MAML3: variants seen among roughly 807,000 people sequenced by gnomAD.
MAML3 encodes the protein mastermind-like protein 3.
In MAML3, 27 loss-of-function variants were observed where a neutral mutation model predicts 101.9. That is an observed-to-expected ratio of 0.27 (90% CI 0.20 to 0.37). The LOEUF is 0.37. MAML3 is among the 10% of genes least tolerant of loss of function. The pLI, the probability that MAML3 is intolerant of heterozygous loss-of-function variation, is 1.00. For missense variants in MAML3, 1,316 were observed against 1,444.9 expected (o/e 0.91, Z 1.45); for synonymous variants, 501 against 555.9 (o/e 0.90, Z 1.39).
intron 1 of MAML3, among the ~76,000 whole-genome samples, chr4:139,898,872 C>T (rs1578653869): frequency 6.6e-6 from 1 of 152,176 alleles, no homozygotes; most frequent in East Asian, 1.9e-4. Context: ...GTGCGCAAAA[C>T]ATTTCCAGAA....
chr4:140,050,129 C>T (rs1727243913), intron 1 of MAML3, among the ~76,000 whole-genome samples: 1 of 152,026 alleles, frequency 6.6e-6, no homozygotes, highest in Non-Finnish European at 1.5e-5. Context: ...TTGCCAATAA[C>T]AACAAGGAAA....
At chr4:140,063,068 G>A (rs1208702238) in intron 1 of MAML3, among the ~76,000 whole-genome samples, 2 of 152,150 alleles carry the variant, frequency 1.3e-5, no homozygotes, top group Non-Finnish European at 2.9e-5. Flanking sequence ...CATGATGCAA[G>A]TATTATTAGC....
At chr4:139,935,770 G>A (rs776331057) in intron 1 of MAML3, among the ~76,000 whole-genome samples, 21 of 150,582 alleles carry the variant, frequency 1.4e-4, no homozygotes, top group South Asian at 2.1e-4. Flanking sequence ...TATAAAAATT[G>A]TATACATTTA....
At chr4:139,915,863 A>T (rs879725355) in intron 1 of MAML3, among the ~76,000 whole-genome samples, 11 of 152,166 alleles carry the variant, frequency 7.2e-5, no homozygotes, top group Non-Finnish European at 1.3e-4. Flanking sequence ...TCCGGGTCCA[A>T]GCCAGAGTAA....
intron 1 of MAML3, among the ~76,000 whole-genome samples, chr4:140,140,427 T>C (rs1008984677): frequency 6.6e-6 from 1 of 152,228 alleles, no homozygotes; most frequent in African/African-American, 2.4e-5. Flanking sequence ...TAATTTTATG[T>C]ATACAACCAA....
At chr4:140,008,162 T>G (rs1355129831) in intron 1 of MAML3, among the ~76,000 whole-genome samples, 1 of 152,142 alleles carries the variant, frequency 6.6e-6, no homozygotes. Context: ...CTGGCCTACG[T>G]GGTGAAACCC....
At chr4:139,885,920 A>G (rs62344936) in intron 2 of MAML3, among the ~76,000 whole-genome samples, 6 of 12,314 alleles carry the variant, frequency 4.9e-4, no homozygotes, top group South Asian at 3.2e-3. Context: ...GCGACAGGGC[A>G]AGACTCCGTC....
intron 1 of MAML3, among the ~76,000 whole-genome samples, chr4:139,941,353 G>GT (rs1733591983): frequency 6.6e-6 from 1 of 152,176 alleles, no homozygotes. Context: ...CCACTGATGT[G>GT]TATCAATGTA....
intron 2 of MAML3, among the ~76,000 whole-genome samples, chr4:139,835,062 G>T (rs1161210514): frequency 6.6e-6 from 1 of 152,244 alleles, no homozygotes; most frequent in Non-Finnish European, 1.5e-5. Flanking sequence ...AGGGGAACAA[G>T]ACAAGGGGGA....
Position 139,719,088 on chromosome 4 carries a change from T to C in MAML3, c.*235A>G. The C allele has an allele frequency of 2.0e-6, 1 of 503,204 alleles. No individual in the cohort carries two copies. Among genetic ancestry groups the C allele is most frequent in the Non-Finnish European group, 3.4e-6 (1 of 290,364 alleles). The allele number at this position is 503,204 out of a possible 1,614,324, so 31.2% of individuals were successfully genotyped here. A position where few individuals can be genotyped will look rare whatever the true frequency, so the allele number is the denominator to read the frequency against. ...ACCTGCTCCTCCGGGTGTCTCCCTC[T>C]CTCGCAGCCGGGATCTGCATGGCGT... is the stretch of plus-strand genomic sequence containing the variant. On this transcript the variant is annotated 3_prime_UTR_variant, in exon 5 of 5. Coordinates refer to ENST00000509479, the MANE Select transcript of MAML3 (RefSeq NM_018717.5).
At chr4:140,008,753 C>T (rs1726498939) in intron 1 of MAML3, among the ~76,000 whole-genome samples, 1 of 152,096 alleles carries the variant, frequency 6.6e-6, no homozygotes, top group Admixed American at 6.5e-5. Flanking sequence ...CTGTAAACAA[C>T]CTTTATACAC....
At chr4:140,118,247 C>T (rs1325991487) in intron 1 of MAML3, among the ~76,000 whole-genome samples, 1 of 151,640 alleles carries the variant, frequency 6.6e-6, no homozygotes, top group Non-Finnish European at 1.5e-5. Context: ...ATGCCTGGGT[C>T]CAAACCACAG....
In MAML3 at chr4:140,014,886, C is replaced by T. The variant is rs115971014; in HGVS notation, c.469-123919G>A. On this transcript the variant is annotated intron_variant, in intron 1 of 4. Coordinates refer to ENST00000509479, the MANE Select transcript of MAML3 (RefSeq NM_018717.5). ...TATGTGTATAGGAAGAATGGAAAAG[C>T]TGGCATTATTTCATAAAAGTAGACA... is the stretch of plus-strand genomic sequence containing the variant. Among the ~76,000 whole-genome samples, 946 of 152,240 alleles carry T rather than the reference C, an allele frequency of 6.2e-3. 12 individuals are homozygous for T. The highest frequency in any genetic ancestry group is 0.022 in the African/African-American group (900 of 41,526).
intron 1 of MAML3, among the ~76,000 whole-genome samples, chr4:140,109,782 G>A (rs1044557185): frequency 1.5e-4 from 23 of 152,036 alleles, no homozygotes; most frequent in African/African-American, 2.9e-4. Context: ...CTGACAGCCC[G>A]GCAGTTATAG....
intron 1 of MAML3, among the ~76,000 whole-genome samples, chr4:140,127,199 T>A (rs1276028028): frequency 6.6e-6 from 1 of 152,204 alleles, no homozygotes; most frequent in African/African-American, 2.4e-5. Context: ...TCCTGAGCTT[T>A]CTGTTTCAAC....
At chr4:140,003,607 CT>C (rs1163476382) in intron 1 of MAML3, among the ~76,000 whole-genome samples, 1 of 152,114 alleles carries the variant, frequency 6.6e-6, no homozygotes, top group Non-Finnish European at 1.5e-5. Context: ...AGACAATTTT[CT>C]TTTTCTGTGC....
At chr4:139,903,512 T>C (rs1732765952) in intron 1 of MAML3, among the ~76,000 whole-genome samples, 3 of 152,232 alleles carry the variant, frequency 2.0e-5, no homozygotes, top group Admixed American at 2.0e-4. Context: ...TAAATACCTA[T>C]GAAGCCAGTG....
At chr4:140,133,888 C>A (rs1728838528) in intron 1 of MAML3, among the ~76,000 whole-genome samples, 1 of 152,200 alleles carries the variant, frequency 6.6e-6, no homozygotes, top group African/African-American at 2.4e-5. Flanking sequence ...CAGATATTTA[C>A]AGATTTAAAC....
chr4:139,913,036 G>A (rs1732961159), intron 1 of MAML3, among the ~76,000 whole-genome samples: 1 of 152,228 alleles, frequency 6.6e-6, no homozygotes, highest in East Asian at 1.9e-4. Flanking sequence ...TCCCACCTGT[G>A]AGCAATATGC....
Sources: allele counts gnomAD v4.1 joint callset (sites outside exome capture counted in the v4.1 genomes callset), GRCh38; gene constraint gnomAD v4.1.1; transcripts MANE v1.5; gene names NCBI Gene and HGNC (gene_info 2026-07-23, HGNC 2026-07-21).